ADGRL4: variants seen among roughly 807,000 people sequenced by gnomAD.
ADGRL4 encodes the protein EGF, latrophilin and seven transmembrane domain containing 1.
A neutral mutation model predicts 74.8 loss-of-function variants in ADGRL4; 90 were observed. The ratio of observed to expected loss-of-function variants is 1.20; its 90% confidence interval spans 1.02 to 1.43. ADGRL4 has a LOEUF of 1.43. Among genes scored for constraint, ADGRL4 ranks in the 40% most tolerant of loss-of-function variants. The pLI, the probability that ADGRL4 is intolerant of heterozygous loss-of-function variation, is 0.00. For missense variants in ADGRL4, 881 were observed against 814.3 expected, an observed-to-expected ratio of 1.08 and a Z score of -1.00; for synonymous variants, 311 against 279.2, an observed-to-expected ratio of 1.11 and a Z score of -1.14.
intron 12 of ADGRL4, among the ~76,000 whole-genome samples, chr1:78,899,135 C>T (rs1352807026): frequency 6.6e-6 from 1 of 152,084 alleles, no homozygotes; most frequent in African/African-American, 2.4e-5. Flanking sequence ...TTAAATTTTT[C>T]ATAAATATCA....
intron 2 of ADGRL4, 132 bp downstream of exon 2, chr1:79,004,938 T>TA: frequency 4.4e-6 from 3 of 682,872 alleles, no homozygotes; most frequent in Non-Finnish European, 6.7e-6. Context: ...TTTAGCTACT[T>TA]ACGCGTTTTT....
At chr1:78,939,116 G>A in intron 4 of ADGRL4, 72 bp downstream of exon 4, 1 of 1,442,474 alleles carries the variant, frequency 6.9e-7, no homozygotes, top group Non-Finnish European at 9.2e-7. Context: ...TTCTTGAAAT[G>A]TGTGACATTG....
At chr1:78,984,162 G>T (rs1260953936) in intron 2 of ADGRL4, among the ~76,000 whole-genome samples, 1 of 151,636 alleles carries the variant, frequency 6.6e-6, no homozygotes, top group Non-Finnish European at 1.5e-5. Flanking sequence ...CTGGTACAAA[G>T]TAAGATGGTT....
chr1:78,971,658 C>T (rs112384096), intron 2 of ADGRL4, among the ~76,000 whole-genome samples: 4,553 of 152,316 alleles, frequency 0.03, 87 homozygotes, highest in South Asian at 0.053. Flanking sequence ...CGGCTCCCAG[C>T]TGAACTAAGG....
chr1:78,937,624 T>C (rs919885816), intron 6 of ADGRL4, among the ~76,000 whole-genome samples, 183 bp downstream of exon 6: 3 of 152,218 alleles, frequency 2.0e-5, no homozygotes, highest in Non-Finnish European at 1.5e-5. Flanking sequence ...ATTTATCCTT[T>C]TGACTGGTAC....
intron 12 of ADGRL4, among the ~76,000 whole-genome samples, chr1:78,898,344 A>G (rs984357741): frequency 3.9e-5 from 6 of 152,112 alleles, no homozygotes; most frequent in Non-Finnish European, 7.4e-5. Context: ...AATTAAGAAA[A>G]TAGTGCTTTT....
In ADGRL4 at chr1:78,918,009, AAAG is replaced by A. The variant is rs770231774; in HGVS notation, c.1500_1502del (p.Phe501del). 2 of 1,612,318 alleles carry A rather than the reference AAAG, an allele frequency of 1.2e-6. No individual in the cohort carries two copies. Among genetic ancestry groups the A allele is most frequent in the Non-Finnish European group, 1.7e-6 (2 of 1,178,996 alleles). On this transcript the variant is annotated inframe_deletion, in exon 11 of 15. Transcript: ENST00000370742. ...TGCACATCCATGCAAAAGCAGCTAAAAAGAAGTAGTGTAGCAGTCCGGCAATGA... is the reference window on the plus strand; with the variant it reads ...TGCACATCCATGCAAAAGCAGCTAAAAAGTAGTGTAGCAGTCCGGCAATGA...
intron 2 of ADGRL4, among the ~76,000 whole-genome samples, chr1:78,980,513 A>G (rs1041756969): frequency 2.6e-5 from 4 of 151,976 alleles, no homozygotes; most frequent in Admixed American, 1.3e-4. Flanking sequence ...TATAATTAAA[A>G]GACTTTTACT....
At chr1:78,954,763 A>G (rs1212508476) in intron 2 of ADGRL4, among the ~76,000 whole-genome samples, 1 of 152,164 alleles carries the variant, frequency 6.6e-6, no homozygotes, top group Non-Finnish European at 1.5e-5. Flanking sequence ...TATAGAACTT[A>G]AACACAACAT....
At chr1:78,970,393 T>C (rs1397334876) in intron 2 of ADGRL4, among the ~76,000 whole-genome samples, 4 of 152,198 alleles carry the variant, frequency 2.6e-5, no homozygotes, top group Non-Finnish European at 5.9e-5. Flanking sequence ...GTAGCATAAA[T>C]GAGGTCTAGG....
intron 2 of ADGRL4, among the ~76,000 whole-genome samples, chr1:78,948,746 T>A (rs185519055): frequency 2.6e-4 from 39 of 152,254 alleles, no homozygotes; most frequent in African/African-American, 7.2e-4. Context: ...TTCTTAAAAT[T>A]AACTGAGAGT....
chr1:78,970,509 C>T (rs1050246029), intron 2 of ADGRL4, among the ~76,000 whole-genome samples: 3 of 152,098 alleles, frequency 2.0e-5, no homozygotes, highest in Non-Finnish European at 4.4e-5. Context: ...CACTTTGGCA[C>T]CAATGCCAGC....
At chr1:78,907,534 A>C (rs75635229) in intron 12 of ADGRL4, among the ~76,000 whole-genome samples, 4,368 of 152,142 alleles carry the variant, frequency 0.029, 237 homozygotes, top group African/African-American at 0.099. Flanking sequence ...CACATGTGTA[A>C]TTGTAGAATG....
Position 78,926,920 on chromosome 1 carries a change from A to C in ADGRL4, c.1049T>G (p.Leu350Arg), listed in dbSNP as rs758262969. 9.3e-6 allele frequency: 15 copies of C among 1,610,076 alleles called. 1 individual carries two copies. The South Asian group carries it at 1.5e-4, about 17-fold the overall frequency. Residue 350 changes from leucine (L) to arginine (R), a missense_variant, in exon 8 of 15, where the codon CTT becomes CGT. Leu to Arg is a moderately radical substitution (Grantham distance 102). Transcript: ENST00000370742. ...MSSNPPTLYE[L>R]EKITFTLSHR... ...ACTTAATGTAAATGTTATTTTTTCA[A>C]GTTCATATAATGTGGGTGGGTTTGA...
chr1:78,976,083 G>A (rs1260536041), intron 2 of ADGRL4, among the ~76,000 whole-genome samples: 2 of 151,966 alleles, frequency 1.3e-5, no homozygotes, highest in Non-Finnish European at 2.9e-5. Flanking sequence ...GATAGAGACT[G>A]ATGGATTCCC....
intron 8 of ADGRL4, among the ~76,000 whole-genome samples, chr1:78,924,054 T>C (rs1406488581): frequency 6.6e-6 from 1 of 151,748 alleles, no homozygotes; most frequent in Non-Finnish European, 1.5e-5. Context: ...AGAATAAAGA[T>C]CCCAAAACTT....
rs377370784 is a variant in ADGRL4 at position 78,935,997 on chromosome 1, G to A, written c.877+298C>T. Among the ~76,000 whole-genome samples, 2 of 78,718 alleles carry A rather than the reference G, an allele frequency of 2.5e-5. 1 individual carries two copies. Among genetic ancestry groups the A allele is most frequent in the African/African-American group, 8.1e-5 (2 of 24,836 alleles). 51.6% of individuals were successfully genotyped at this position (78,718 alleles called of 152,430 possible). A position where few individuals can be genotyped will look rare whatever the true frequency, so the allele number is the denominator to read the frequency against. On this transcript the variant is annotated intron_variant, in intron 7 of 14. Transcript: ENST00000370742. The stretch of plus-strand genomic sequence containing the variant: ...AAATTAGCCGGGCGTGATGGCGGGC[G>A]CCTGTAGTCCCAGCTACTCGGGAGG...
chr1:79,006,637 G>A lies in ADGRL4; in HGVS notation c.18C>T (p.Leu6=), dbSNP rs1431737094. 6.6e-7 allele frequency: 1 copy of A among 1,523,698 alleles called. No individual in the cohort carries two copies. The highest frequency in any genetic ancestry group is 8.8e-7 in the Non-Finnish European group (1 of 1,137,176). 94.4% of individuals were successfully genotyped at this position (1,523,698 alleles called of 1,614,324 possible). ...CCAGGGGCGCTGAGCACTCACCTAG[G>A]AGCGGGAGGCGTTTCATTGGCGGTG... MKRLP[L]LVVFSTLLNC... Residue 6 remains leucine, a synonymous_variant, in exon 1 of 15, where the codon CTC becomes CTT. Transcript: ENST00000370742.
In ADGRL4 at chr1:78,969,537, G is replaced by A. The variant is rs775232293; in HGVS notation, c.173-23111C>T. ...AGGATACAAACCTATGGCTGGGCTC[G>A]GCTTTAAAAGGTCTTATTTGAGATT... On this transcript the variant is annotated intron_variant, in intron 2 of 14. Transcript: ENST00000370742. Among the ~76,000 whole-genome samples, 11 of 152,094 alleles carry A rather than the reference G, an allele frequency of 7.2e-5. No individual in the cohort carries two copies. In the South Asian group the frequency reaches 8.3e-4, roughly 11 times the overall value.
Sources: gnomAD v4.1 joint callset for allele counts (sites outside exome capture counted in the v4.1 genomes callset) on GRCh38, gnomAD v4.1.1 for gene constraint, MANE v1.5 for transcripts, NCBI Gene and HGNC (gene_info 2026-07-23, HGNC 2026-07-21) for gene names.